Variants in DSCAM observed in about 807,000 individuals in gnomAD.
The protein encoded by DSCAM is cell adhesion molecule DSCAM.
Under a neutral mutation model 217.7 loss-of-function variants are expected in DSCAM, and 47 were observed. That is an observed-to-expected ratio of 0.22 (90% CI 0.17 to 0.28). The LOEUF (loss-of-function observed/expected upper bound fraction) is 0.28, where lower values mean the gene tolerates loss of function less well. Among genes scored for constraint, DSCAM ranks in the 10% least tolerant of loss-of-function variants. The pLI is 1.00. For missense variants in DSCAM, 2,080 were observed against 2,618.3 expected (o/e 0.79, Z 4.49); for synonymous variants, 1,056 against 1,015.3 (o/e 1.04, Z -0.76).
At chr21:40,414,670 A>T (rs2075354233) in intron 3 of DSCAM, among the ~76,000 whole-genome samples, 1 of 152,242 alleles carries the variant, frequency 6.6e-6, no homozygotes, top group Admixed American at 6.5e-5. Context: ...TGCAGTGTGA[A>T]ATACATTGAT....
intron 3 of DSCAM, among the ~76,000 whole-genome samples, chr21:40,378,584 T>C (rs1450018356): frequency 0.034 from 487 of 14,360 alleles, 51 homozygotes; most frequent in Non-Finnish European, 0.045. Flanking sequence ...TTTTTTTTTT[T>C]TTTTTTTTTT....
At chr21:40,295,556 G>T (rs776115253) in intron 10 of DSCAM, among the ~76,000 whole-genome samples, 3 of 152,086 alleles carry the variant, frequency 2.0e-5, no homozygotes, top group Non-Finnish European at 4.4e-5. Context: ...AAAAGAGCAC[G>T]CCAAGGAGAT....
chr21:40,548,880 C>T, intron 3 of DSCAM, among the ~76,000 whole-genome samples: 1 of 152,116 alleles, frequency 6.6e-6, no homozygotes, highest in East Asian at 1.9e-4. Context: ...AAATCTAGTG[C>T]ATTTTCCAAA....
intron 1 of DSCAM, among the ~76,000 whole-genome samples, chr21:40,713,863 G>C (rs945727451): frequency 2.6e-5 from 4 of 152,184 alleles, no homozygotes; most frequent in African/African-American, 9.7e-5. Context: ...AACTAGATGA[G>C]CTAATAACTA....
At chr21:40,056,663 T>C (rs572031255) in intron 28 of DSCAM, among the ~76,000 whole-genome samples, 1 of 152,210 alleles carries the variant, frequency 6.6e-6, no homozygotes, top group Admixed American at 6.5e-5. Flanking sequence ...TTACTAGATG[T>C]TCAAATAGTA....
chr21:40,166,636 T>C (rs1332160269), intron 16 of DSCAM, among the ~76,000 whole-genome samples: 1 of 152,232 alleles, frequency 6.6e-6, no homozygotes, highest in Non-Finnish European at 1.5e-5. Flanking sequence ...GGCTCAAGCT[T>C]TCTTTCTCTC....
intron 8 of DSCAM, among the ~76,000 whole-genome samples, chr21:40,333,510 G>A (rs528416804): frequency 6.6e-6 from 1 of 152,250 alleles, no homozygotes; most frequent in African/African-American, 2.4e-5. Flanking sequence ...GATTACAGGT[G>A]TGTGCCACCA....
intron 3 of DSCAM, among the ~76,000 whole-genome samples, chr21:40,595,932 C>T (rs1178354026): frequency 3.3e-5 from 5 of 152,220 alleles, no homozygotes; most frequent in Non-Finnish European, 1.5e-5. Context: ...ATGGGATCCA[C>T]AGGCGGCAAA....
chr21:40,489,635 C>T (rs1241524888), intron 3 of DSCAM, among the ~76,000 whole-genome samples: 2 of 151,352 alleles, frequency 1.3e-5, no homozygotes, highest in Admixed American at 6.6e-5. Context: ...ATTAGCCGGG[C>T]GTAGTGGCAG....
rs375324926 is a variant in DSCAM at position 40,837,126 on chromosome 21, T to A, written c.43+9493A>T. 4.7e-4 allele frequency among the ~76,000 whole-genome samples: 72 copies of A among 152,320 alleles called. No individual in the cohort carries two copies. The East Asian group carries it at 5.8e-3, about 12-fold the overall frequency. On this transcript the variant is annotated intron_variant, in intron 1 of 32. Transcript: ENST00000400454. ...TCAACAGACTGTGGTCTACCTCTTA[T>A]CCTGATGTAAGGGTGGAGGGGATGT...
At chr21:40,785,991 C>T (rs2091590448) in intron 1 of DSCAM, among the ~76,000 whole-genome samples, 1 of 152,194 alleles carries the variant, frequency 6.6e-6, no homozygotes, top group Non-Finnish European at 1.5e-5. Flanking sequence ...AATCCCAGCA[C>T]TTTGGGAGGC....
At chr21:40,470,593 C>G (rs909468005) in intron 3 of DSCAM, among the ~76,000 whole-genome samples, 2 of 152,188 alleles carry the variant, frequency 1.3e-5, no homozygotes, top group Non-Finnish European at 2.9e-5. Context: ...CTCTGTCACC[C>G]AGGCTGAAGT....
rs1420850422 is a variant in DSCAM at position 40,453,096 on chromosome 21, T to G, written c.509-83851A>C. 1.4e-4 allele frequency among the ~76,000 whole-genome samples: 19 copies of G among 131,256 alleles called. No homozygotes were observed. The South Asian group carries it at 3.2e-3, about 22-fold the overall frequency. 86.1% of individuals were successfully genotyped at this position (131,256 alleles called of 152,430 possible). On this transcript the variant is annotated intron_variant, in intron 3 of 32. Coordinates refer to ENST00000400454, the MANE Select transcript of DSCAM (RefSeq NM_001389.5). Reference sequence around the variant, plus strand: ...TGTGTGTGTGTGTGTGTGTGTGAGATATATGTGTATATCTACACATACATG... The same window carrying G: ...TGTGTGTGTGTGTGTGTGTGTGAGAGATATGTGTATATCTACACATACATG...
chr21:40,331,417 G>A (rs909495578), intron 8 of DSCAM, among the ~76,000 whole-genome samples: 1 of 152,140 alleles, frequency 6.6e-6, no homozygotes, highest in African/African-American at 2.4e-5. Flanking sequence ...AGTGGAAGGC[G>A]AGCAGACACA....
intron 3 of DSCAM, among the ~76,000 whole-genome samples, chr21:40,668,486 G>C (rs2090230055): frequency 6.6e-6 from 1 of 152,200 alleles, no homozygotes; most frequent in Admixed American, 6.5e-5. Context: ...CACCCAGGGG[G>C]TTGTAATGAA....
chr21:40,025,453 T>C (rs1202647285), intron 32 of DSCAM, among the ~76,000 whole-genome samples: 5 of 146,182 alleles, frequency 3.4e-5, no homozygotes, highest in East Asian at 2.0e-4. Context: ...ATGGTACCAG[T>C]TCCTCCTTGT....
chr21:40,109,106 T>G (rs1239503134), intron 20 of DSCAM, among the ~76,000 whole-genome samples: 2 of 152,134 alleles, frequency 1.3e-5, no homozygotes, highest in African/African-American at 2.4e-5. Flanking sequence ...GATTTCATGA[T>G]GAAGACACCA....
At chr21:40,526,186 G>T (rs1377970865) in intron 3 of DSCAM, among the ~76,000 whole-genome samples, 1 of 152,168 alleles carries the variant, frequency 6.6e-6, no homozygotes, top group Non-Finnish European at 1.5e-5. Flanking sequence ...CCCAGCTGGA[G>T]CTGGCCCCCA....
At position 40,080,195 on chromosome 21, in the gene DSCAM, T is replaced by C. The variant is rs759630439; in HGVS notation, c.4377A>G (p.Pro1459=). The stretch of plus-strand genomic sequence containing the variant: ...CTTCTATGATTTCACTTATGCGCCC[T>C]GGGCCCACTCCATTTTGGGCTGTCA... ...FTLTAQNGVG[P]GRISEIIEAK... The change falls in exon 25 of 33, where the codon CCA becomes CCG. Residue 1459 remains proline (P), a synonymous_variant. Coordinates refer to ENST00000400454, the MANE Select transcript of DSCAM (RefSeq NM_001389.5). The C allele has an allele frequency of 6.2e-7, 1 of 1,605,628 alleles. No individual in the cohort carries two copies. Among genetic ancestry groups the C allele is most frequent in the South Asian group, 1.1e-5 (1 of 90,946 alleles).
Sources: gnomAD v4.1 joint callset for allele counts (sites outside exome capture counted in the v4.1 genomes callset) on GRCh38, gnomAD v4.1.1 for gene constraint, MANE v1.5 for transcripts, NCBI Gene and HGNC (gene_info 2026-07-23, HGNC 2026-07-21) for gene names.